OPHN1: variants seen among roughly 807,000 people sequenced by gnomAD.
The protein encoded by OPHN1 is oligophrenin-1.
OPHN1 carries 11 observed loss-of-function variants against 60.7 expected under a neutral mutation model. The observed-to-expected ratio is 0.18, with a 90% CI of 0.11 to 0.30. The LOEUF (loss-of-function observed/expected upper bound fraction) is 0.30, where lower values mean the gene tolerates loss of function less well. Among genes scored for constraint, OPHN1 ranks in the 10% least tolerant of loss-of-function variants. OPHN1 has a pLI of 1.00. For synonymous variants in OPHN1, 226 were observed against 222.6 expected (o/e 1.02, Z -0.14); for missense variants, 449 against 611.0 (o/e 0.73, Z 2.80).
At chrX:68,198,845 ATCATGGGGT>A (rs1161452390) in intron 11 of OPHN1, among the ~76,000 whole-genome samples, 4 of 111,557 alleles carry the variant, frequency 3.6e-5, no homozygotes, top group Admixed American at 9.6e-5. Flanking sequence ...ACCTGCTGGA[ATCATGGGGT>A]TCCTGTCCTA....
chrX:68,427,368 C>T (rs1441058671), intron 2 of OPHN1, among the ~76,000 whole-genome samples: 1 of 111,037 alleles, frequency 9.0e-6, no homozygotes, highest in Non-Finnish European at 1.9e-5. Flanking sequence ...TTTATGTAAG[C>T]GTAAAATAAG....
chrX:68,337,847 T>TA (rs1322744989), intron 2 of OPHN1, among the ~76,000 whole-genome samples: 1 of 105,348 alleles, frequency 9.5e-6, no homozygotes, highest in Non-Finnish European at 1.9e-5. Context: ...TTTATAATGA[T>TA]ACGAGTCAAT....
At chrX:68,332,208 C>A (rs2078299041) in intron 2 of OPHN1, among the ~76,000 whole-genome samples, 1 of 111,478 alleles carries the variant, frequency 9.0e-6, no homozygotes, top group South Asian at 3.7e-4. Context: ...TTTGCTGTGT[C>A]TCCTGTGCTC....
At chrX:68,091,111 C>T (rs1323665979) in intron 19 of OPHN1, among the ~76,000 whole-genome samples, 3 of 111,349 alleles carry the variant, frequency 2.7e-5, no homozygotes, top group Non-Finnish European at 5.7e-5. Flanking sequence ...CAGCCTTAAC[C>T]TGATAGACCT....
chrX:68,374,761 C>T (rs2078547624), intron 2 of OPHN1, among the ~76,000 whole-genome samples: 1 of 112,121 alleles, frequency 8.9e-6, no homozygotes, highest in South Asian at 3.6e-4. Context: ...AAACAGAATA[C>T]ATAAGATTCA....
chrX:68,149,728 C>T (rs1318655971), intron 15 of OPHN1, among the ~76,000 whole-genome samples: 1 of 110,508 alleles, frequency 9.0e-6, no homozygotes, highest in African/African-American at 3.3e-5. Context: ...CTATGAAAAA[C>T]AGTTTCATGG....
At chrX:68,381,578 T>A (rs1243575427) in intron 2 of OPHN1, among the ~76,000 whole-genome samples, 1 of 111,675 alleles carries the variant, frequency 9.0e-6, no homozygotes, top group Non-Finnish European at 1.9e-5. Context: ...CCTATCCATT[T>A]GATTTTATTT....
intron 2 of OPHN1, among the ~76,000 whole-genome samples, chrX:68,427,055 C>A (rs1182004163): frequency 2.0e-5 from 2 of 98,620 alleles, no homozygotes; most frequent in Non-Finnish European, 4.1e-5. Context: ...AGTTCGAGAC[C>A]AGCCTGGACA....
At chrX:68,309,121 T>C (rs959971129) in intron 2 of OPHN1, among the ~76,000 whole-genome samples, 10 of 110,657 alleles carry the variant, frequency 9.0e-5, no homozygotes, top group African/African-American at 2.3e-4. Context: ...ATAGACCCCT[T>C]TGAGAATATA....
chrX:68,301,415 C>T (rs1208819866), intron 2 of OPHN1, among the ~76,000 whole-genome samples: 3 of 95,551 alleles, frequency 3.1e-5, no homozygotes, highest in Non-Finnish European at 6.1e-5. Context: ...CACTGAACTC[C>T]AGCCTGGGTG....
intron 15 of OPHN1, among the ~76,000 whole-genome samples, chrX:68,140,795 G>C (rs896918929): frequency 9.1e-6 from 1 of 110,480 alleles, no homozygotes; most frequent in Admixed American, 9.7e-5. Flanking sequence ...AGCAGCTGAT[G>C]CAAGTGGTTG....
intron 15 of OPHN1, among the ~76,000 whole-genome samples, chrX:68,177,531 T>G (rs990720492): frequency 3.7e-5 from 3 of 81,181 alleles, no homozygotes; most frequent in Admixed American, 2.4e-4. Flanking sequence ...GATTGCATAA[T>G]TTAATTAAAA....
Position 68,163,662 on chromosome X carries a change from A to G in OPHN1, c.1276+29257T>C, listed in dbSNP as rs780986417. ...TTTTAATTTCTTTAGAAATGTTCAT[A>G]CTATTTTCCACAGTGGCTGTACTAA... is the stretch of plus-strand genomic sequence containing the variant. On this transcript the variant is annotated intron_variant, in intron 15 of 24. Coordinates refer to ENST00000355520, the MANE Select transcript of OPHN1 (RefSeq NM_002547.3). Among the ~76,000 whole-genome samples, 47 of 111,250 alleles carry G rather than the reference A, an allele frequency of 4.2e-4. No individual in the cohort carries two copies. In the South Asian group the frequency reaches 0.017, roughly 39 times the overall value.
intron 21 of OPHN1, among the ~76,000 whole-genome samples, chrX:68,055,936 C>T (rs1188384355): frequency 1.8e-5 from 2 of 110,760 alleles, no homozygotes; most frequent in African/African-American, 6.6e-5. Context: ...GGGAACATCA[C>T]ACACCAGGAC....
At chrX:68,092,177 G>GA (rs1169978845) in intron 19 of OPHN1, among the ~76,000 whole-genome samples, 1 of 110,862 alleles carries the variant, frequency 9.0e-6, no homozygotes, top group African/African-American at 3.3e-5. Context: ...AGTGTAAATG[G>GA]AAAAAACACA....
chrX:68,314,792 C>G (rs759685248), intron 2 of OPHN1, among the ~76,000 whole-genome samples: 2 of 110,201 alleles, frequency 1.8e-5, no homozygotes, highest in South Asian at 7.9e-4. Context: ...TCAAGACCAG[C>G]CTAAGCAAAA....
chrX:68,270,090 C>G (rs2077958777), intron 5 of OPHN1, among the ~76,000 whole-genome samples: 1 of 110,901 alleles, frequency 9.0e-6, no homozygotes, highest in South Asian at 3.8e-4. Context: ...CAGGAAACAA[C>G]AGGTGCTGGA....
intron 2 of OPHN1, among the ~76,000 whole-genome samples, chrX:68,429,396 A>G (rs534377604): frequency 1.8e-5 from 2 of 111,083 alleles, no homozygotes; most frequent in African/African-American, 6.5e-5. Flanking sequence ...ACTCCACTCC[A>G]GCTCGGGCAA....
chrX:68,385,709 A>G (rs908730359), intron 2 of OPHN1, among the ~76,000 whole-genome samples: 1 of 112,369 alleles, frequency 8.9e-6, no homozygotes, highest in Non-Finnish European at 1.9e-5. Flanking sequence ...AACATATCTC[A>G]CACATATACA....
Sources: gnomAD v4.1 joint callset for allele counts (sites outside exome capture counted in the v4.1 genomes callset) on GRCh38, gnomAD v4.1.1 for gene constraint, MANE v1.5 for transcripts, NCBI Gene and HGNC (gene_info 2026-07-23, HGNC 2026-07-21) for gene names.